VPS26B: variants seen among roughly 807,000 people sequenced by gnomAD.
The protein encoded by VPS26B is VPS26 retromer complex component B, also known as vacuolar protein sorting-associated protein 26B.
A neutral mutation model predicts 33.3 loss-of-function variants in VPS26B; 10 were observed. The observed-to-expected ratio is 0.30, with a 90% confidence interval of 0.19 to 0.51. The LOEUF is 0.51. Among genes scored for constraint, VPS26B ranks in the 20% least tolerant of loss-of-function variants. The pLI, the probability that VPS26B is intolerant of heterozygous loss-of-function variation, is 0.98. For missense variants in VPS26B, 317 were observed against 452.7 expected (o/e 0.70, Z 2.72); for synonymous variants, 190 against 176.9 (o/e 1.07, Z -0.59).
At chr11:134,237,682 A>G (rs1056326903) in intron 2 of VPS26B, among the ~76,000 whole-genome samples, 5 of 152,128 alleles carry the variant, frequency 3.3e-5, no homozygotes, top group Non-Finnish European at 7.4e-5. Context: ...GCCTCTGTGG[A>G]ACCGCGGGAA....
chr11:134,237,224 G>A (rs1470641691), intron 2 of VPS26B, among the ~76,000 whole-genome samples: 1 of 152,224 alleles, frequency 6.6e-6, no homozygotes, highest in African/African-American at 2.4e-5. Flanking sequence ...AGCATTTGGT[G>A]GATGGGAAGA....
intron 3 of VPS26B, among the ~76,000 whole-genome samples, 195 bp from the exon 4 acceptor site, chr11:134,242,924 C>T (rs1459016609): frequency 3.3e-5 from 5 of 152,192 alleles, no homozygotes; most frequent in African/African-American, 1.2e-4. Flanking sequence ...GTGGAAGGGA[C>T]AGAAGCTACT....
At position 134,246,158 on chromosome 11, in the gene VPS26B, A is replaced by T. The variant is rs1938815366; in HGVS notation, c.*568A>T. On this transcript the variant is annotated 3_prime_UTR_variant, in exon 6 of 6. Coordinates refer to ENST00000281187, the MANE Select transcript of VPS26B (RefSeq NM_052875.5). ...ACAGGCCACCTCCTTCTGGCCACTC[A>T]CTGCTGGGACCCAGGCACCTCCCTT... 6.5e-6 allele frequency: 1 copy of T among 153,808 alleles called. No individual in the cohort carries two copies. Among genetic ancestry groups the T allele is most frequent in the South Asian group, 2.0e-4 (1 of 4,934 alleles). The allele number at this position is 153,808 out of a possible 1,614,324, so 9.5% of individuals were successfully genotyped here.
chr11:134,232,971 T>TG (rs1203022197), intron 1 of VPS26B, among the ~76,000 whole-genome samples: 3 of 152,110 alleles, frequency 2.0e-5, no homozygotes, highest in Non-Finnish European at 2.9e-5. Context: ...TGACTTTTAT[T>TG]GGGGGGGCAC....
intron 1 of VPS26B, among the ~76,000 whole-genome samples, chr11:134,228,818 T>C (rs1253436967): frequency 6.6e-6 from 1 of 152,110 alleles, no homozygotes; most frequent in Non-Finnish European, 1.5e-5. Context: ...TTCTCCTTCA[T>C]TGCATTCTTT....
In VPS26B at chr11:134,243,133, A is replaced by G. The variant is rs1458969286; in HGVS notation, c.560A>G (p.Asp187Gly). ...EYNKSKYHLK[D>G]VIVGKIYFLL... ...CTGTTCCCCAGATACCACTTGAAAG[A>G]TGTCATTGTAGGGAAGATATACTTC... Residue 187 changes from aspartate (D) to glycine (G), a missense_variant, in exon 4 of 6, where the codon GAT becomes GGT. Asp to Gly is a moderately conservative substitution (Grantham distance 94). Coordinates refer to ENST00000281187, the MANE Select transcript of VPS26B (RefSeq NM_052875.5). 6.2e-7 allele frequency: 1 copy of G among 1,613,524 alleles called. No homozygotes were observed. The highest frequency in any genetic ancestry group is 2.2e-5 in the East Asian group (1 of 44,798).
chr11:134,228,660 A>G (rs1372254612), intron 1 of VPS26B, among the ~76,000 whole-genome samples: 1 of 152,214 alleles, frequency 6.6e-6, no homozygotes, highest in African/African-American at 2.4e-5. Context: ...AAACTCTTAT[A>G]TTCCTCCTAT....
chr11:134,234,745 G>A lies in VPS26B; in HGVS notation c.224-152G>A, dbSNP rs980569967. The A allele has an allele frequency of 1.8e-5, 15 of 845,118 alleles. No individual in the cohort carries two copies. The African/African-American group carries it at 2.2e-4, about 13-fold the overall frequency. 52.4% of individuals were successfully genotyped at this position (845,118 alleles called of 1,614,324 possible). On this transcript the variant is annotated intron_variant, in intron 1 of 5. Coordinates refer to ENST00000281187, the MANE Select transcript of VPS26B (RefSeq NM_052875.5). ...AGAAGAAGGAGGGAGTGAAAGAGCA[G>A]AGGTCAAGAAAACAAGGCTAGAAGG...
intron 2 of VPS26B, chr11:134,236,708 C>A (rs1591880597): frequency 6.6e-6 from 1 of 152,164 alleles, no homozygotes; most frequent in Admixed American, 6.5e-5. Context: ...AGAAGCCTGT[C>A]ACAAAAGGAC....
intron 1 of VPS26B, among the ~76,000 whole-genome samples, chr11:134,230,844 C>G (rs1938545810): frequency 6.6e-6 from 1 of 152,226 alleles, no homozygotes; most frequent in South Asian, 2.1e-4. Context: ...TCGAGCCACA[C>G]TGGGATCCTT....
intron 1 of VPS26B, among the ~76,000 whole-genome samples, chr11:134,230,681 T>C (rs1381015158): frequency 6.6e-6 from 1 of 152,250 alleles, no homozygotes; most frequent in African/African-American, 2.4e-5. Flanking sequence ...GATATCCCCT[T>C]GTGTGTAAGA....
chr11:134,241,451 C>G (rs1938724275), intron 3 of VPS26B, among the ~76,000 whole-genome samples: 1 of 152,218 alleles, frequency 6.6e-6, no homozygotes, highest in Non-Finnish European at 1.5e-5. Flanking sequence ...TCGCCTAAGC[C>G]CACCAGTGAA....
intron 1 of VPS26B, among the ~76,000 whole-genome samples, chr11:134,226,364 C>A (rs1370458475): frequency 2.6e-5 from 4 of 152,078 alleles, no homozygotes; most frequent in Non-Finnish European, 5.9e-5. Context: ...TGTGATAACA[C>A]CACAGCACTC....
rs1459180344 is a variant in VPS26B at position 134,245,244 on chromosome 11, C to G, written c.864+164C>G. 6.6e-6 allele frequency among the ~76,000 whole-genome samples: 1 copy of G among 152,208 alleles called. No individual in the cohort carries two copies. Among genetic ancestry groups the G allele is most frequent in the Non-Finnish European group, 1.5e-5 (1 of 68,036 alleles). On this transcript the variant is annotated intron_variant, in intron 5 of 5. Coordinates refer to ENST00000281187, the MANE Select transcript of VPS26B (RefSeq NM_052875.5). The surrounding 1 kb of genome is among the most constrained non-coding windows in gnomAD (Gnocchi z 4.7). ...TCTCACCTGGCCTTAGAGTCTGCTTCCTCGGGCCTTCTCCTGCAACCACCT... is the reference window on the plus strand; with the variant it reads ...TCTCACCTGGCCTTAGAGTCTGCTTGCTCGGGCCTTCTCCTGCAACCACCT...
intron 1 of VPS26B, among the ~76,000 whole-genome samples, chr11:134,232,192 G>C (rs1938564282): frequency 1.4e-5 from 1 of 69,200 alleles, no homozygotes; most frequent in East Asian, 4.6e-4. Flanking sequence ...ACTGGTGATT[G>C]GGAAGAATGA....
At chr11:134,239,690 C>T (rs1458391883) in intron 2 of VPS26B, 2 of 405,366 alleles carry the variant, frequency 4.9e-6, no homozygotes, top group South Asian at 2.3e-5. Flanking sequence ...GATTGGGGTA[C>T]AAGGCAGAGA....
chr11:134,238,530 G>C (rs542313307), intron 2 of VPS26B, among the ~76,000 whole-genome samples: 4 of 152,316 alleles, frequency 2.6e-5, no homozygotes, highest in East Asian at 3.9e-4. Context: ...GTGCCACACA[G>C]AGGATAGTAG....
chr11:134,224,974 A>G lies in VPS26B; in HGVS notation c.-149A>G, dbSNP rs1207452410. 3.6e-6 allele frequency: 2 copies of G among 557,926 alleles called. No homozygotes were observed. Among genetic ancestry groups the G allele is most frequent in the Admixed American group, 4.9e-5 (1 of 20,370 alleles). The allele number at this position is 557,926 out of a possible 1,614,324, so 34.6% of individuals were successfully genotyped here. A position where few individuals can be genotyped will look rare whatever the true frequency, so the allele number is the denominator to read the frequency against. ...TGGAGCCGGCTGTCCGTCGGCGCCCACTGCCCGGCGGCAGCGGCGGAGCCA... is the reference window on the plus strand; with the variant it reads ...TGGAGCCGGCTGTCCGTCGGCGCCCGCTGCCCGGCGGCAGCGGCGGAGCCA... On this transcript the variant is annotated 5_prime_UTR_variant, in exon 1 of 6. Transcript: ENST00000281187.
chr11:134,225,046 C>T lies in VPS26B; in HGVS notation c.-77C>T, dbSNP rs933051791. On this transcript the variant is annotated 5_prime_UTR_variant, in exon 1 of 6. Coordinates refer to ENST00000281187, the MANE Select transcript of VPS26B (RefSeq NM_052875.5). The stretch of plus-strand genomic sequence containing the variant: ...CGCGCTCGCGCATCGGGCCCTCTGG[C>T]CTTCTTTACCTAGGGCAGCCCGCGC... The T allele has an allele frequency of 4.9e-6, 7 of 1,414,570 alleles. No individual in the cohort carries two copies. The African/African-American group carries it at 1.0e-4, about 20-fold the overall frequency. 87.6% of individuals were successfully genotyped at this position (1,414,570 alleles called of 1,614,324 possible).
Sources: gnomAD v4.1 joint callset for allele counts (sites outside exome capture counted in the v4.1 genomes callset) on GRCh38, gnomAD v4.1.1 for gene constraint, Gnocchi (gnomAD v3.1) non-coding constraint, MANE v1.5 for transcripts, NCBI Gene and HGNC (gene_info 2026-07-23, HGNC 2026-07-21) for gene names.